Variants in NFS1 observed in about 807,000 individuals in gnomAD.
The protein encoded by NFS1 is cysteine desulfurase.
Under a neutral mutation model 57.3 loss-of-function variants are expected in NFS1, and 26 were observed. The observed-to-expected ratio is 0.45, with a 90% CI of 0.33 to 0.63. The LOEUF (loss-of-function observed/expected upper bound fraction) is 0.63, where lower values mean the gene tolerates loss of function less well. Among genes scored for constraint, NFS1 ranks in the 20% least tolerant of loss-of-function variants. The pLI is 0.02. For synonymous variants in NFS1, 209 were observed against 216.3 expected (o/e 0.97, Z 0.30); for missense variants, 505 against 605.8 (o/e 0.83, Z 1.75).
At chr20:35,677,937 G>A (rs768173749) in intron 7 of NFS1, among the ~76,000 whole-genome samples, 12 of 152,100 alleles carry the variant, frequency 7.9e-5, no homozygotes, top group East Asian at 3.9e-4. Flanking sequence ...GCATTGGGCC[G>A]GGCACGGGAT....
intron 5 of NFS1, among the ~76,000 whole-genome samples, chr20:35,685,812 C>G (rs892175066): frequency 7.1e-6 from 1 of 140,604 alleles, no homozygotes; most frequent in Non-Finnish European, 1.5e-5. Context: ...GAGCTGAGAT[C>G]GCGCCACTGC....
chr20:35,699,304 G>GC lies in NFS1; in HGVS notation c.-17dup. 7.2e-7 allele frequency: 1 copy of GC among 1,398,310 alleles called. No homozygotes were observed. The highest frequency in any genetic ancestry group is 9.2e-7 in the Non-Finnish European group (1 of 1,083,804). The allele number at this position is 1,398,310 out of a possible 1,614,324, so 86.6% of individuals were successfully genotyped here. A position where few individuals can be genotyped will look rare whatever the true frequency, so the allele number is the denominator to read the frequency against. The stretch of plus-strand genomic sequence containing the variant: ...GGAGCAGCATGGTCCCGCTGGCAGA[G>GC]CCCACCTTCCGAAGCCGCTGCAGTC... On this transcript the variant is annotated 5_prime_UTR_variant, in exon 1 of 13. Transcript: ENST00000374092. This position sits in a 1 kb window ranked among gnomAD's most constrained non-coding sequence, Gnocchi z 4.4.
At position 35,685,513 on chromosome 20, in the gene NFS1, C is replaced by A. The variant is rs561139560; in HGVS notation, c.562-3532G>T. Among the ~76,000 whole-genome samples the A allele has an allele frequency of 2.7e-3, 384 of 140,122 alleles. 2 individuals carry two copies. The highest frequency in any genetic ancestry group is 4.8e-3 in the Non-Finnish European group (315 of 65,184). 91.9% of individuals were successfully genotyped at this position (140,122 alleles called of 152,430 possible). On this transcript the variant is annotated intron_variant, in intron 5 of 12. Coordinates refer to ENST00000374092, the MANE Select transcript of NFS1 (RefSeq NM_021100.5). Reference sequence around the variant, plus strand: ...CTCCAGCCTGGGCAACAGAGCAAGACCATGTCTCATAAAAAAAAATTATAT... The same window carrying A: ...CTCCAGCCTGGGCAACAGAGCAAGAACATGTCTCATAAAAAAAAATTATAT...
chr20:35,683,535 C>A (rs1453827073), intron 5 of NFS1, among the ~76,000 whole-genome samples: 4 of 151,418 alleles, frequency 2.6e-5, no homozygotes, highest in Admixed American at 1.3e-4. Flanking sequence ...AATCCAAGCA[C>A]TTTGGGAGGC....
Position 35,668,324 on chromosome 20 carries a change from AT to A in NFS1, c.*1297del, listed in dbSNP as rs1374172948. On this transcript the variant is annotated 3_prime_UTR_variant, in exon 13 of 13. Coordinates refer to ENST00000374092, the MANE Select transcript of NFS1 (RefSeq NM_021100.5). ...GACCATTATCCACAATAAGAAATAC[AT>A]TTATAACCTGGTATACAAATTCAAA... 5.3e-5 allele frequency: 8 copies of A among 152,238 alleles called. No homozygotes were observed. Among genetic ancestry groups the A allele is most frequent in the Non-Finnish European group, 1.2e-4 (8 of 68,038 alleles). 9.4% of individuals were successfully genotyped at this position (152,238 alleles called of 1,614,324 possible).
At chr20:35,679,418 G>A (rs922982909) in intron 7 of NFS1, among the ~76,000 whole-genome samples, 1 of 152,022 alleles carries the variant, frequency 6.6e-6, no homozygotes, top group African/African-American at 2.4e-5. Context: ...TCCTGACCTC[G>A]TGATCCGCCC....
chr20:35,680,851 T>C lies in NFS1; in HGVS notation c.676A>G (p.Lys226Glu). The change falls in exon 7 of 13, where the codon AAG (lysine) becomes GAG (glutamate). Residue 226 changes from lysine (K) to glutamate (E), a missense_variant. Coordinates refer to ENST00000374092, the MANE Select transcript of NFS1 (RefSeq NM_021100.5). Reference protein sequence around the residue: ...AEIGRICSSRKVYFHTDAAQA... With the variant: ...AEIGRICSSREVYFHTDAAQA... The stretch of plus-strand genomic sequence containing the variant: ...GCTGCATCAGTATGGAAATATACCT[T>C]TCTGGAACTGCAAATCCGCCCTGAG... The C allele has an allele frequency of 6.5e-7, 1 of 1,539,902 alleles. No homozygotes were observed. Among genetic ancestry groups the C allele is most frequent in the Non-Finnish European group, 8.7e-7 (1 of 1,145,058 alleles).
chr20:35,691,161 G>A (rs948844130), intron 4 of NFS1, among the ~76,000 whole-genome samples: 1 of 152,098 alleles, frequency 6.6e-6, no homozygotes, highest in East Asian at 1.9e-4. Flanking sequence ...ATAGTATACA[G>A]ATTAATGTAG....
intron 5 of NFS1, among the ~76,000 whole-genome samples, chr20:35,686,781 G>T (rs1002056016): frequency 6.6e-6 from 1 of 152,034 alleles, no homozygotes; most frequent in African/African-American, 2.4e-5. Context: ...AGCTGTTCCA[G>T]TATAATAAAA....
chr20:35,674,757 A>G (rs1443243309), intron 8 of NFS1, 140 bp from the exon 9 acceptor site: 4 of 730,018 alleles, frequency 5.5e-6, no homozygotes, highest in Non-Finnish European at 9.3e-6. Context: ...GGACCACTGT[A>G]TCTCCAGTAC....
intron 4 of NFS1, among the ~76,000 whole-genome samples, chr20:35,695,834 G>T (rs745380292): frequency 1.3e-5 from 2 of 152,124 alleles, no homozygotes; most frequent in Non-Finnish European, 2.9e-5. Context: ...CAGGTCAAGA[G>T]ATTGAGATCA....
At chr20:35,691,306 T>G (rs1310009476) in intron 4 of NFS1, among the ~76,000 whole-genome samples, 3 of 152,120 alleles carry the variant, frequency 2.0e-5, no homozygotes, top group Non-Finnish European at 2.9e-5. Flanking sequence ...AGTAATTTTC[T>G]AGGTGCCAGT....
At chr20:35,697,615 A>G in intron 3 of NFS1, 69 bp downstream of exon 3, 1 of 1,011,268 alleles carries the variant, frequency 9.9e-7, no homozygotes, top group Non-Finnish European at 1.5e-6. Flanking sequence ...ACCTACCAAG[A>G]AAGAAATGCC....
chr20:35,682,012 T>C (rs1404308545), intron 5 of NFS1, 31 bp from the exon 6 acceptor site: 6 of 1,329,936 alleles, frequency 4.5e-6, no homozygotes, highest in Non-Finnish European at 5.4e-6. Context: ...GGTGACTAGA[T>C]AGTACAAACA....
chr20:35,695,448 C>A (rs1452903628), intron 4 of NFS1, among the ~76,000 whole-genome samples: 2 of 152,234 alleles, frequency 1.3e-5, no homozygotes, highest in African/African-American at 2.4e-5. Flanking sequence ...ATAATCCTGG[C>A]AACCAGGCCC....
chr20:35,694,056 G>C (rs1431067573), intron 4 of NFS1, among the ~76,000 whole-genome samples: 1 of 152,100 alleles, frequency 6.6e-6, no homozygotes, highest in Non-Finnish European at 1.5e-5. Flanking sequence ...TAAGATGAGA[G>C]GATTGCTTGA....
At chr20:35,690,220 TC>T (rs1168289997) in intron 5 of NFS1, among the ~76,000 whole-genome samples, 192 bp downstream of exon 5, 2 of 151,648 alleles carry the variant, frequency 1.3e-5, no homozygotes, top group African/African-American at 4.8e-5. Context: ...AAGAAACAAG[TC>T]CTCCAGAGAA....
At chr20:35,677,056 G>A (rs1181208006) in intron 7 of NFS1, among the ~76,000 whole-genome samples, 1 of 151,988 alleles carries the variant, frequency 6.6e-6, no homozygotes, top group South Asian at 2.1e-4. Context: ...TAGTACAGAC[G>A]GGGTTTCACC....
intron 3 of NFS1, among the ~76,000 whole-genome samples, chr20:35,697,221 C>T (rs1358116251): frequency 1.3e-5 from 2 of 151,918 alleles, no homozygotes; most frequent in Admixed American, 6.6e-5. Context: ...CACTTGAACC[C>T]GGGAGGCAGA....
Sources: gnomAD v4.1 joint callset for allele counts (sites outside exome capture counted in the v4.1 genomes callset) on GRCh38, gnomAD v4.1.1 for gene constraint, Gnocchi (gnomAD v3.1) non-coding constraint, MANE v1.5 for transcripts, NCBI Gene and HGNC (gene_info 2026-07-23, HGNC 2026-07-21) for gene names.